Variants in DPYD observed in about 807,000 individuals in gnomAD.
DPYD encodes the protein dihydropyrimidine dehydrogenase [NADP(+)].
Under a neutral mutation model 116.2 loss-of-function variants are expected in DPYD, and 109 were observed. The ratio of observed to expected loss-of-function variants is 0.94; its 90% CI spans 0.80 to 1.10. DPYD has a LOEUF of 1.10. DPYD is among the 50% of genes least tolerant of loss of function. The probability of loss-of-function intolerance (pLI) is 0.00; values close to 1 mark genes in which losing one functional copy is unlikely to be tolerated. For synonymous variants in DPYD, 440 were observed against 432.0 expected, an observed-to-expected ratio of 1.02 and a Z score of -0.23; for missense variants, 1,302 against 1,254.5, an observed-to-expected ratio of 1.04 and a Z score of -0.57.
At chr1:97,225,560 G>GTTTTTTTTT (rs59058167) in intron 19 of DPYD, among the ~76,000 whole-genome samples, 1 of 115,766 alleles carries the variant, frequency 8.6e-6, no homozygotes, top group African/African-American at 3.1e-5. Context: ...AAATCAGGTT[G>GTTTTTTTTT]TTTTTTTTTT....
At chr1:97,875,847 TA>T (rs1671886783) in intron 2 of DPYD, among the ~76,000 whole-genome samples, 1 of 152,040 alleles carries the variant, frequency 6.6e-6, no homozygotes, top group African/African-American at 2.4e-5. Context: ...AAAATATACT[TA>T]CTTCAAAGTA....
chr1:97,522,190 G>T (rs530915443), intron 12 of DPYD, among the ~76,000 whole-genome samples: 3 of 152,066 alleles, frequency 2.0e-5, no homozygotes, highest in Non-Finnish European at 4.4e-5. Flanking sequence ...AATCTACAAA[G>T]AACTTAAACA....
chr1:97,146,647 A>G (rs1168821492), intron 20 of DPYD, among the ~76,000 whole-genome samples: 4 of 152,218 alleles, frequency 2.6e-5, no homozygotes, highest in African/African-American at 9.6e-5. Flanking sequence ...GCCATTTTTT[A>G]AACCTTACGG....
intron 7 of DPYD, among the ~76,000 whole-genome samples, chr1:97,689,249 G>A (rs1399257165): frequency 1.3e-5 from 2 of 151,848 alleles, no homozygotes; most frequent in African/African-American, 4.8e-5. Context: ...TATTCAATAG[G>A]AAATGCAGCT....
chr1:97,785,681 C>CTTTTTTTT (rs35229030), intron 3 of DPYD, among the ~76,000 whole-genome samples: 3 of 62,540 alleles, frequency 4.8e-5, no homozygotes, highest in Non-Finnish European at 6.0e-5. Flanking sequence ...GCCACTGACT[C>CTTTTTTTT]TTTTTTTTTT....
At chr1:97,784,130 A>G (rs982257649) in intron 3 of DPYD, among the ~76,000 whole-genome samples, 2 of 152,164 alleles carry the variant, frequency 1.3e-5, no homozygotes, top group African/African-American at 4.8e-5. Flanking sequence ...TTGATTTTCT[A>G]TTCCAAAGAG....
intron 2 of DPYD, among the ~76,000 whole-genome samples, chr1:97,873,244 ACAATT>A (rs889410248): frequency 1.3e-5 from 2 of 152,014 alleles, no homozygotes; most frequent in African/African-American, 4.8e-5. Context: ...ATAAATATGT[ACAATT>A]TAGATTCAAA....
intron 19 of DPYD, among the ~76,000 whole-genome samples, chr1:97,226,897 G>A (rs1171486945): frequency 1.3e-5 from 2 of 152,092 alleles, no homozygotes; most frequent in African/African-American, 4.8e-5. Context: ...AAGATGATTG[G>A]ATGATTTACC....
chr1:97,730,504 G>A (rs1040500027), intron 4 of DPYD, among the ~76,000 whole-genome samples: 8 of 151,958 alleles, frequency 5.3e-5, no homozygotes, highest in South Asian at 2.1e-4. Context: ...GATTACACAC[G>A]TTAGTCTCTG....
chr1:97,410,662 ATAT>A (rs990733577), intron 14 of DPYD, among the ~76,000 whole-genome samples: 23 of 152,188 alleles, frequency 1.5e-4, no homozygotes, highest in Non-Finnish European at 5.9e-5. Flanking sequence ...CATTGTGAGC[ATAT>A]TATATTTGTG....
intron 11 of DPYD, among the ~76,000 whole-genome samples, chr1:97,557,121 T>G (rs1024260904): frequency 6.6e-6 from 1 of 151,772 alleles, no homozygotes; most frequent in Non-Finnish European, 1.5e-5. Flanking sequence ...GATGAGCATT[T>G]TTTCATGTGT....
intron 8 of DPYD, among the ~76,000 whole-genome samples, chr1:97,650,940 T>A (rs1658546682): frequency 6.6e-6 from 1 of 152,260 alleles, no homozygotes; most frequent in South Asian, 2.1e-4. Context: ...TCATATAACA[T>A]GTCACCTAAC....
intron 18 of DPYD, among the ~76,000 whole-genome samples, chr1:97,256,250 A>C (rs1289886584): frequency 6.6e-6 from 1 of 152,086 alleles, no homozygotes; most frequent in Non-Finnish European, 1.5e-5. Flanking sequence ...TTATATTCTG[A>C]AACAATGCTG....
intron 16 of DPYD, 92 bp from the exon 17 acceptor site, chr1:97,306,389 G>A (rs914100956): frequency 1.3e-6 from 2 of 1,535,018 alleles, no homozygotes; most frequent in Admixed American, 3.4e-5. Context: ...AGACGTGCAA[G>A]ACAAATCCAA....
intron 3 of DPYD, among the ~76,000 whole-genome samples, chr1:97,806,498 A>G (rs932331932): frequency 5.3e-5 from 8 of 151,930 alleles, no homozygotes; most frequent in African/African-American, 1.9e-4. Flanking sequence ...ATTTTTAAAA[A>G]TTGTACATAC....
intron 1 of DPYD, among the ~76,000 whole-genome samples, chr1:97,907,045 G>A (rs567289152): frequency 6.6e-6 from 1 of 152,072 alleles, no homozygotes; most frequent in African/African-American, 2.4e-5. Flanking sequence ...TGACTAGCAG[G>A]CAGGGAGCTT....
intron 11 of DPYD, among the ~76,000 whole-genome samples, chr1:97,556,015 C>T (rs1570952587): frequency 6.6e-6 from 1 of 152,168 alleles, no homozygotes; most frequent in Non-Finnish European, 1.5e-5. Flanking sequence ...TTCCAGGTCG[C>T]CAAGTCCAGT....
At chr1:97,173,279 C>CACACATATGTACATATATATGT (rs548861757) in intron 20 of DPYD, among the ~76,000 whole-genome samples, 19,590 of 140,686 alleles carry the variant, frequency 0.14, 1,544 homozygotes, top group East Asian at 0.27. Flanking sequence ...CATATATATG[C>CACACATATGTACATATATATGT]ACACATATAT....
intron 12 of DPYD, among the ~76,000 whole-genome samples, chr1:97,538,408 A>C (rs933998334): frequency 6.6e-6 from 1 of 152,120 alleles, no homozygotes; most frequent in Non-Finnish European, 1.5e-5. Flanking sequence ...GTCACTCTTG[A>C]CCTGGGGCAG....
Sources: allele counts gnomAD v4.1 joint callset (sites outside exome capture counted in the v4.1 genomes callset), GRCh38; gene constraint gnomAD v4.1.1; transcripts MANE v1.5; gene names NCBI Gene and HGNC (gene_info 2026-07-23, HGNC 2026-07-21).